Variants in EXOC4 observed in about 807,000 individuals in gnomAD.
EXOC4 encodes the protein SEC8-like 1.
A neutral mutation model predicts 107.2 loss-of-function variants in EXOC4; 71 were observed. The observed-to-expected ratio is 0.66, with a 90% confidence interval of 0.55 to 0.81. The LOEUF (loss-of-function observed/expected upper bound fraction) is 0.81, where lower values mean the gene tolerates loss of function less well. EXOC4 is among the 30% of genes least tolerant of loss of function. The pLI is 0.00. For missense variants in EXOC4, 1,108 were observed against 1,189.6 expected (o/e 0.93, Z 1.01); for synonymous variants, 456 against 441.2 (o/e 1.03, Z -0.42).
At chr7:133,796,395 C>T (rs1005557292) in intron 10 of EXOC4, among the ~76,000 whole-genome samples, 1 of 152,192 alleles carries the variant, frequency 6.6e-6, no homozygotes, top group African/African-American at 2.4e-5. Flanking sequence ...AAAGATTCCT[C>T]AGTTCAGAAG....
intron 10 of EXOC4, among the ~76,000 whole-genome samples, chr7:133,809,002 G>A (rs1251035832): frequency 6.6e-6 from 1 of 151,442 alleles, no homozygotes; most frequent in African/African-American, 2.4e-5. Context: ...CAGTTTGCTG[G>A]ATTTAGGGTG....
At chr7:133,819,835 G>A (rs1430160276) in intron 11 of EXOC4, among the ~76,000 whole-genome samples, 4 of 112,830 alleles carry the variant, frequency 3.5e-5, no homozygotes, top group African/African-American at 2.0e-4. Flanking sequence ...TGCAGCTTCA[G>A]TAGCAAAGAT....
chr7:133,811,832 A>G (rs548946557), intron 10 of EXOC4, among the ~76,000 whole-genome samples: 118 of 152,362 alleles, frequency 7.7e-4, no homozygotes, highest in African/African-American at 2.8e-3. Context: ...TCTTAGGAGA[A>G]GGGCATTACA....
chr7:133,581,289 C>T (rs1801262697), intron 9 of EXOC4, among the ~76,000 whole-genome samples: 3 of 152,204 alleles, frequency 2.0e-5, no homozygotes, highest in Non-Finnish European at 4.4e-5. Context: ...TTGTTAGGAA[C>T]AGCACTTGTT....
At position 133,954,861 on chromosome 7, in the gene EXOC4, G is replaced by C. The variant is rs1189558455; in HGVS notation, c.2206+16792G>C. On this transcript the variant is annotated intron_variant, in intron 14 of 17. Transcript: ENST00000253861. ...GCTGCAGTGGGATGGACAACTCCAG[G>C]GACCAGCATAGGCACCAGCTGTCTG... Among the ~76,000 whole-genome samples, 4 of 152,346 alleles carry C rather than the reference G, an allele frequency of 2.6e-5. No homozygotes were observed. In the East Asian group the frequency reaches 7.7e-4, roughly 29 times the overall value.
At chr7:133,651,988 A>C (rs979256570) in intron 10 of EXOC4, among the ~76,000 whole-genome samples, 1 of 152,130 alleles carries the variant, frequency 6.6e-6, no homozygotes, top group Non-Finnish European at 1.5e-5. Flanking sequence ...CCGTAACTCA[A>C]ACTCTAGAAG....
chr7:133,437,903 T>C (rs1798012475), intron 7 of EXOC4, among the ~76,000 whole-genome samples: 2 of 152,236 alleles, frequency 1.3e-5, no homozygotes, highest in Admixed American at 1.3e-4. Context: ...AGTTTAGTCT[T>C]CATTAATTCC....
intron 10 of EXOC4, among the ~76,000 whole-genome samples, chr7:133,647,790 C>G (rs1350667503): frequency 2.0e-5 from 3 of 152,078 alleles, no homozygotes; most frequent in Admixed American, 1.3e-4. Flanking sequence ...CAGTTTGACT[C>G]TGGATTATCA....
In EXOC4 at chr7:133,356,542, G is replaced by A; in HGVS notation, c.976G>A (p.Gly326Arg). 1.9e-6 allele frequency: 3 copies of A among 1,614,042 alleles called. No homozygotes were observed. The highest frequency in any genetic ancestry group is 2.2e-5 in the East Asian group (1 of 44,866). Residue 326 changes from glycine (G) to arginine (R), a missense_variant, in exon 6 of 18, where the codon GGG becomes AGG. Transcript: ENST00000253861. Reference protein sequence around the residue: ...TQVADSGYQRGENVTVENQPR... With the variant: ...TQVADSGYQRRENVTVENQPR... ...GGTGGCAGACAGTGGCTATCAGCGG[G>A]GGGAGAACGTTACTGTGGAGAACCA...
chr7:133,319,642 A>G (rs10272504), intron 5 of EXOC4, among the ~76,000 whole-genome samples: 1 of 151,992 alleles, frequency 6.6e-6, no homozygotes, highest in South Asian at 2.1e-4. Context: ...GGCGTGCACC[A>G]CCACACCCAG....
chr7:133,695,083 A>G (rs1260163721), intron 10 of EXOC4, among the ~76,000 whole-genome samples: 1 of 152,076 alleles, frequency 6.6e-6, no homozygotes, highest in Admixed American at 6.5e-5. Flanking sequence ...CGGCCTCCCA[A>G]AGTGCTGGAG....
chr7:133,370,077 C>T (rs1459600840), intron 6 of EXOC4, among the ~76,000 whole-genome samples: 2 of 152,058 alleles, frequency 1.3e-5, no homozygotes, highest in Admixed American at 6.5e-5. Flanking sequence ...CAGGCGTGAG[C>T]CACTGTGCCT....
At chr7:133,559,138 C>G (rs1800759824) in intron 9 of EXOC4, among the ~76,000 whole-genome samples, 1 of 152,108 alleles carries the variant, frequency 6.6e-6, no homozygotes, top group Non-Finnish European at 1.5e-5. Flanking sequence ...TTCCATACTT[C>G]TTATTGATTT....
chr7:133,517,303 G>T (rs182375816), intron 9 of EXOC4, among the ~76,000 whole-genome samples: 1 of 152,048 alleles, frequency 6.6e-6, no homozygotes, highest in African/African-American at 2.4e-5. Flanking sequence ...TCAAGGAAAA[G>T]GTAGTACCTG....
At chr7:133,889,086 T>C (rs1799149183) in intron 11 of EXOC4, among the ~76,000 whole-genome samples, 3 of 152,182 alleles carry the variant, frequency 2.0e-5, no homozygotes, top group Admixed American at 2.0e-4. Context: ...TCTGAATAGA[T>C]TGATGGTTTT....
intron 10 of EXOC4, among the ~76,000 whole-genome samples, chr7:133,810,216 A>T (rs1378617065): frequency 6.6e-6 from 1 of 152,214 alleles, no homozygotes; most frequent in Non-Finnish European, 1.5e-5. Flanking sequence ...CTCTCTGTTA[A>T]AGGATATTTC....
chr7:133,628,026 T>C (rs1165244309), intron 9 of EXOC4, among the ~76,000 whole-genome samples: 1 of 152,108 alleles, frequency 6.6e-6, no homozygotes, highest in Non-Finnish European at 1.5e-5. Flanking sequence ...TCAAGGGAGA[T>C]TTAGCTGTGT....
chr7:133,875,359 G>A (rs1292775420), intron 11 of EXOC4, among the ~76,000 whole-genome samples: 1 of 152,176 alleles, frequency 6.6e-6, no homozygotes, highest in Non-Finnish European at 1.5e-5. Context: ...AGAAAGATAA[G>A]TTTGAAGACA....
chr7:133,462,826 A>G (rs192826683), intron 7 of EXOC4, among the ~76,000 whole-genome samples: 5 of 152,318 alleles, frequency 3.3e-5, no homozygotes, highest in African/African-American at 1.2e-4. Context: ...AGGAAATAAA[A>G]CTTTAGTTTA....
Sources: gnomAD v4.1 joint callset for allele counts (sites outside exome capture counted in the v4.1 genomes callset) on GRCh38, gnomAD v4.1.1 for gene constraint, MANE v1.5 for transcripts, NCBI Gene and HGNC (gene_info 2026-07-23, HGNC 2026-07-21) for gene names.